PHACTR1: variants seen among roughly 807,000 people sequenced by gnomAD.
The protein encoded by PHACTR1 is phosphatase and actin regulator 1, also known as RPEL repeat containing 1.
A neutral mutation model predicts 69.2 loss-of-function variants in PHACTR1; 16 were observed. The observed-to-expected ratio is 0.23, with a 90% confidence interval of 0.16 to 0.35. The LOEUF is 0.35. Among genes scored for constraint, PHACTR1 ranks in the 10% least tolerant of loss-of-function variants. The pLI is 1.00. For missense variants in PHACTR1, 510 were observed against 734.7 expected (o/e 0.69, Z 3.54); for synonymous variants, 312 against 284.5 (o/e 1.10, Z -0.97).
Position 12,884,622 on chromosome 6 carries a change from C to G in PHACTR1, c.250+134832C>G, listed in dbSNP as rs548761420. ...TTCACCATGTTAGCCAGGATGGTCT[C>G]GATCTCCTGACCTCATGGTCCGCCC... On this transcript the variant is annotated intron_variant, in intron 4 of 14. Coordinates refer to ENST00000332995, the MANE Select transcript of PHACTR1 (RefSeq NM_030948.6). 2.0e-5 allele frequency among the ~76,000 whole-genome samples: 3 copies of G among 152,180 alleles called. 1 individual carries two copies. The South Asian group carries it at 6.2e-4, about 32-fold the overall frequency.
intron 5 of PHACTR1, among the ~76,000 whole-genome samples, chr6:13,145,900 A>G (rs778666151): frequency 7.2e-5 from 11 of 152,200 alleles, no homozygotes; most frequent in Admixed American, 1.3e-4. Context: ...TCAAGCCAAA[A>G]TTCTGCCTAG....
At chr6:13,170,579 G>C (rs1760453430) in intron 6 of PHACTR1, among the ~76,000 whole-genome samples, 1 of 152,186 alleles carries the variant, frequency 6.6e-6, no homozygotes, top group South Asian at 2.1e-4. Flanking sequence ...AAATAGCTTA[G>C]AAAAATGTTC....
chr6:12,871,742 C>T (rs1025955608), intron 4 of PHACTR1, among the ~76,000 whole-genome samples: 3 of 152,158 alleles, frequency 2.0e-5, no homozygotes, highest in African/African-American at 7.2e-5. Flanking sequence ...TGAAGTTCCT[C>T]GCCAATCTTT....
chr6:13,236,876 G>GA (rs1772070553), intron 10 of PHACTR1, among the ~76,000 whole-genome samples: 1 of 152,164 alleles, frequency 6.6e-6, no homozygotes, highest in Non-Finnish European at 1.5e-5. Flanking sequence ...TGTGGGAAGA[G>GA]ACAGATATTG....
chr6:12,758,773 A>T (rs1242532989), intron 4 of PHACTR1, among the ~76,000 whole-genome samples: 1 of 152,262 alleles, frequency 6.6e-6, no homozygotes, highest in African/African-American at 2.4e-5. Context: ...AAAGCTGGAC[A>T]TTGCTAAAGG....
rs944766 is a variant in PHACTR1, at chr6:12,787,217, C to A, written c.250+37427C>A. Among the ~76,000 whole-genome samples the A allele has an allele frequency of 6.6e-5, 10 of 152,010 alleles. No homozygotes were observed. In the East Asian group the frequency reaches 1.2e-3, roughly 18 times the overall value. On this transcript the variant is annotated intron_variant, in intron 4 of 14. Coordinates refer to ENST00000332995, the MANE Select transcript of PHACTR1 (RefSeq NM_030948.6). ...TTGGCTGCTAACCTTTAATGCCAGTCTTTTCCATTGAAAAGGTTGCTGTTT... is the reference window on the plus strand; with the variant it reads ...TTGGCTGCTAACCTTTAATGCCAGTATTTTCCATTGAAAAGGTTGCTGTTT...
intron 4 of PHACTR1, among the ~76,000 whole-genome samples, chr6:12,787,632 C>A (rs1029424251): frequency 3.3e-5 from 5 of 152,136 alleles, no homozygotes; most frequent in African/African-American, 9.7e-5. Flanking sequence ...CAGTTGAGCT[C>A]CTGCTCTTGG....
At chr6:12,800,210 C>T (rs1773532840) in intron 4 of PHACTR1, among the ~76,000 whole-genome samples, 1 of 152,236 alleles carries the variant, frequency 6.6e-6, no homozygotes, top group South Asian at 2.1e-4. Flanking sequence ...GATGTTTAGT[C>T]ATTTCTTTGG....
chr6:13,052,539 A>G (rs1806115667), intron 4 of PHACTR1, among the ~76,000 whole-genome samples: 1 of 152,214 alleles, frequency 6.6e-6, no homozygotes, highest in South Asian at 2.1e-4. Context: ...GAATCTGTAA[A>G]TATGGAAAAG....
At chr6:12,932,579 CAA>C (rs1788988619) in intron 4 of PHACTR1, among the ~76,000 whole-genome samples, 1 of 152,142 alleles carries the variant, frequency 6.6e-6, no homozygotes, top group Admixed American at 6.5e-5. Flanking sequence ...TTTGTATACA[CAA>C]AGACGCTTTA....
chr6:12,722,431 T>C (rs1448685422), intron 3 of PHACTR1, among the ~76,000 whole-genome samples: 2 of 152,212 alleles, frequency 1.3e-5, no homozygotes, highest in Non-Finnish European at 2.9e-5. Flanking sequence ...AAAGCAACAA[T>C]GCCAGAATTA....
chr6:12,903,424 A>G (rs1282175873), intron 4 of PHACTR1, among the ~76,000 whole-genome samples: 1 of 152,210 alleles, frequency 6.6e-6, no homozygotes, highest in African/African-American at 2.4e-5. Context: ...AGGTTGCCTC[A>G]CTGCAAGGTT....
At chr6:13,093,583 T>C (rs1247733336) in intron 5 of PHACTR1, among the ~76,000 whole-genome samples, 1 of 152,208 alleles carries the variant, frequency 6.6e-6, no homozygotes, top group Non-Finnish European at 1.5e-5. Context: ...CGCACTAACA[T>C]AGACAACTCA....
chr6:13,003,795 CG>C (rs894424790), intron 4 of PHACTR1, among the ~76,000 whole-genome samples: 1 of 151,240 alleles, frequency 6.6e-6, no homozygotes, highest in Non-Finnish European at 1.5e-5. Flanking sequence ...TCCATGTCCA[CG>C]GGTACCCACT....
At chr6:13,250,853 T>C (rs897184555) in intron 10 of PHACTR1, among the ~76,000 whole-genome samples, 16 of 152,020 alleles carry the variant, frequency 1.1e-4, no homozygotes, top group African/African-American at 3.4e-4. Flanking sequence ...ACAAATGGAG[T>C]GTTACACAGA....
At chr6:13,016,924 C>T (rs1343862113) in intron 4 of PHACTR1, among the ~76,000 whole-genome samples, 6 of 152,152 alleles carry the variant, frequency 3.9e-5, no homozygotes, top group East Asian at 1.9e-4. Flanking sequence ...CGGTGGCTCA[C>T]GCCTGTAATC....
chr6:13,130,005 C>T (rs34603187), intron 5 of PHACTR1, among the ~76,000 whole-genome samples: 21,369 of 152,096 alleles, frequency 0.14, 1,732 homozygotes, highest in Middle Eastern at 0.2. Context: ...AATGGAGCCC[C>T]TAAAACTATA....
At chr6:13,261,127 G>A (rs1404015390) in intron 10 of PHACTR1, among the ~76,000 whole-genome samples, 1 of 152,196 alleles carries the variant, frequency 6.6e-6, no homozygotes, top group Non-Finnish European at 1.5e-5. Flanking sequence ...GTAAAGCTGT[G>A]TGAACAGAAG....
intron 3 of PHACTR1, among the ~76,000 whole-genome samples, chr6:12,740,721 AT>A (rs548085228): frequency 2.0e-5 from 3 of 150,234 alleles, no homozygotes; most frequent in African/African-American, 7.3e-5. Context: ...TGTCTTTCTC[AT>A]TTTTTTTCTT....
Sources: gnomAD v4.1 joint callset for allele counts (sites outside exome capture counted in the v4.1 genomes callset) on GRCh38, gnomAD v4.1.1 for gene constraint, MANE v1.5 for transcripts, NCBI Gene and HGNC (gene_info 2026-07-23, HGNC 2026-07-21) for gene names.